Variants in LUZP2 observed in about 807,000 individuals in gnomAD.
The protein encoded by LUZP2 is leucine zipper protein 2.
In LUZP2, 52 loss-of-function variants were observed where a neutral mutation model predicts 51.6. The observed-to-expected ratio is 1.01, with a 90% CI of 0.81 to 1.27. LUZP2 has a LOEUF of 1.27. LUZP2 is among the 50% of genes most tolerant of loss of function. The pLI, the probability that LUZP2 is intolerant of heterozygous loss-of-function variation, is 0.00. For missense variants in LUZP2, 436 were observed against 395.4 expected, an observed-to-expected ratio of 1.10 and a Z score of -0.87; for synonymous variants, 154 against 137.3, an observed-to-expected ratio of 1.12 and a Z score of -0.85.
At chr11:25,048,034 C>T (rs984022931) in intron 9 of LUZP2, among the ~76,000 whole-genome samples, 8 of 152,114 alleles carry the variant, frequency 5.3e-5, no homozygotes, top group Non-Finnish European at 1.2e-4. Context: ...TGGTCTTGCA[C>T]TCCTGACCTC....
intron 6 of LUZP2, among the ~76,000 whole-genome samples, chr11:24,913,219 C>A (rs1853693541): frequency 6.6e-6 from 1 of 152,118 alleles, no homozygotes; most frequent in Admixed American, 6.6e-5. Context: ...TGATTTCTGT[C>A]CCTATTTGTT....
chr11:24,779,859 T>C (rs949032809), intron 5 of LUZP2, among the ~76,000 whole-genome samples: 2 of 152,070 alleles, frequency 1.3e-5, no homozygotes, highest in African/African-American at 4.8e-5. Context: ...GGAATTGATA[T>C]GAAGACAGGG....
chr11:24,799,601 A>G (rs1292729648), intron 5 of LUZP2, among the ~76,000 whole-genome samples: 3 of 151,614 alleles, frequency 2.0e-5, no homozygotes, highest in African/African-American at 7.3e-5. Flanking sequence ...AAAAAAAAAA[A>G]ATGAAAAATG....
intron 5 of LUZP2, among the ~76,000 whole-genome samples, chr11:24,788,142 C>G (rs1590527886): frequency 6.9e-6 from 1 of 144,074 alleles, no homozygotes; most frequent in Non-Finnish European, 1.5e-5. Flanking sequence ...TACCTTAATT[C>G]TTTCACTGTA....
chr11:24,621,898 C>A (rs1416098958), intron 1 of LUZP2, among the ~76,000 whole-genome samples: 2 of 151,778 alleles, frequency 1.3e-5, no homozygotes, highest in South Asian at 2.1e-4. Context: ...AATTTCTCTT[C>A]TTTTTCTCTT....
At chr11:24,820,764 C>CATACATA in intron 5 of LUZP2, among the ~76,000 whole-genome samples, 1 of 152,144 alleles carries the variant, frequency 6.6e-6, no homozygotes, top group South Asian at 2.1e-4. Flanking sequence ...CAATCCAAGA[C>CATACATA]CATAGGATGT....
chr11:24,857,474 A>C (rs1055548132), intron 5 of LUZP2, among the ~76,000 whole-genome samples: 1 of 151,690 alleles, frequency 6.6e-6, no homozygotes, highest in Non-Finnish European at 1.5e-5. Context: ...ATAAATTCAC[A>C]GTGCCACAAT....
At chr11:24,989,147 T>C (rs948155649) in intron 9 of LUZP2, among the ~76,000 whole-genome samples, 3 of 151,338 alleles carry the variant, frequency 2.0e-5, no homozygotes, top group Non-Finnish European at 4.4e-5. Flanking sequence ...CAAATGTCAA[T>C]GGGAAGCCAT....
intron 2 of LUZP2, among the ~76,000 whole-genome samples, chr11:24,731,558 A>G (rs1858713892): frequency 6.6e-6 from 1 of 151,788 alleles, no homozygotes; most frequent in Non-Finnish European, 1.5e-5. Context: ...CTGAAGTAGT[A>G]TACATAATTT....
chr11:24,961,617 C>G (rs1249478356), intron 7 of LUZP2, among the ~76,000 whole-genome samples: 3 of 152,050 alleles, frequency 2.0e-5, no homozygotes, highest in Non-Finnish European at 4.4e-5. Context: ...TTCCTCCATC[C>G]TTTTATTTTG....
chr11:24,839,641 C>G (rs1850962665), intron 5 of LUZP2, among the ~76,000 whole-genome samples: 4 of 151,576 alleles, frequency 2.6e-5, no homozygotes, highest in Non-Finnish European at 4.4e-5. Context: ...GATGACTTAT[C>G]TCTTCATGGG....
At chr11:24,648,231 T>A (rs1197659056) in intron 1 of LUZP2, among the ~76,000 whole-genome samples, 2 of 151,916 alleles carry the variant, frequency 1.3e-5, no homozygotes, top group African/African-American at 2.4e-5. Flanking sequence ...TATCGGCACA[T>A]CTATTCATGT....
chr11:24,658,790 C>T (rs1307216745), intron 1 of LUZP2, among the ~76,000 whole-genome samples: 1 of 152,170 alleles, frequency 6.6e-6, no homozygotes, highest in Non-Finnish European at 1.5e-5. Context: ...CAAAAAAAGA[C>T]ATTTATGCAG....
chr11:24,846,916 C>CACATACATATATGTAT (rs201264482), intron 5 of LUZP2, among the ~76,000 whole-genome samples: 59 of 151,526 alleles, frequency 3.9e-4, no homozygotes, highest in African/African-American at 1.4e-3. Flanking sequence ...CATGTATATA[C>CACATACATATATGTAT]ACATACATAT....
At chr11:24,775,764 G>T (rs12285443) in intron 5 of LUZP2, among the ~76,000 whole-genome samples, 8,557 of 151,832 alleles carry the variant, frequency 0.056, 403 homozygotes, top group African/African-American at 0.14. Context: ...GGTTCTCTGA[G>T]AGAGAGATAG....
At chr11:25,012,011 G>T (rs959661968) in intron 9 of LUZP2, among the ~76,000 whole-genome samples, 1 of 152,110 alleles carries the variant, frequency 6.6e-6, no homozygotes, top group South Asian at 2.1e-4. Flanking sequence ...ACAAAAGGCA[G>T]CATTCCCTAC....
chr11:25,037,618 A>G (rs1040489009), intron 9 of LUZP2, among the ~76,000 whole-genome samples: 2 of 152,156 alleles, frequency 1.3e-5, no homozygotes, highest in African/African-American at 4.8e-5. Context: ...ATCTATGTTT[A>G]GCACTCCCTT....
chr11:24,850,936 C>T (rs2631458), intron 5 of LUZP2, among the ~76,000 whole-genome samples: 23,043 of 151,632 alleles, frequency 0.15, 1,895 homozygotes, highest in African/African-American at 0.2. Flanking sequence ...TGTATAGAAA[C>T]GCTTGTGGTT....
At chr11:24,985,553 CTT>C (rs775194721) in intron 9 of LUZP2, among the ~76,000 whole-genome samples, 4 of 151,660 alleles carry the variant, frequency 2.6e-5, no homozygotes, top group Non-Finnish European at 4.4e-5. Context: ...TGGTGACCTA[CTT>C]TATGTCACCA....
Sources: allele counts gnomAD v4.1 joint callset (sites outside exome capture counted in the v4.1 genomes callset), GRCh38; gene constraint gnomAD v4.1.1; transcripts MANE v1.5; gene names NCBI Gene and HGNC (gene_info 2026-07-23, HGNC 2026-07-21).